OR6X1: variants seen among roughly 807,000 people sequenced by gnomAD.
The protein encoded by OR6X1 is olfactory receptor family 6 subfamily X member 1, also known as olfactory receptor 6X1.
For missense variants in OR6X1, 354 were observed against 372.2 expected (o/e 0.95, Z 0.40); for synonymous variants, 160 against 149.8 (o/e 1.07, Z -0.50).
rs748236917 is a variant in OR6X1, at chr11:123,754,054, A to G, written c.465T>C (p.Phe155=). Residue 155 remains phenylalanine (F), a synonymous_variant, in exon 1 of 1, where the codon TTT becomes TTC. Transcript: ENST00000327930. The part of the protein sequence containing the change: ...SSWVVGFTIV[F]CQTMLLIQLP... The stretch of plus-strand genomic sequence containing the variant: ...ACTGGATGAGCAGCATCGTCTGACA[A>G]AAGACAATGGTGAAGCCCACCACCC... The G allele has an allele frequency of 1.2e-6, 2 of 1,614,058 alleles. No homozygotes were observed. Among genetic ancestry groups the G allele is most frequent in the Non-Finnish European group, 1.7e-6 (2 of 1,180,040 alleles).
rs778166232 is a variant in OR6X1, at chr11:123,753,702, A to T, written c.817T>A (p.Ser273Thr). The T allele has an allele frequency of 3.7e-6, 6 of 1,613,942 alleles. No homozygotes were observed. In the African/African-American group the frequency reaches 8.0e-5, roughly 22 times the overall value. The change falls in exon 1 of 1, where the codon TCT becomes ACT. Residue 273 changes from serine (S) to threonine (T), a missense_variant. Physicochemically the swap from Ser to Thr is moderately conservative, Grantham distance 58 (BLOSUM62 1). Transcript: ENST00000327930. The part of the protein sequence containing the change: ...HSSFKINKVV[S>T]VLNTILTPLL... ...GGGGTGAGGATAGTATTTAGCACAG[A>T]CACCACCTTATTAATCTTAAAGGAG...
In OR6X1 at chr11:123,754,045, C is replaced by T. The variant is rs533040898; in HGVS notation, c.474G>A (p.Thr158=). 1.8e-5 allele frequency: 29 copies of T among 1,614,074 alleles called. No homozygotes were observed. The highest frequency in any genetic ancestry group is 1.7e-4 in the Middle Eastern group (1 of 6,060). Residue 158 remains threonine, a synonymous_variant, in exon 1 of 1, where the codon ACG becomes ACA. Coordinates refer to ENST00000327930, the MANE Select transcript of OR6X1 (RefSeq NM_001005188.1). ...VVGFTIVFCQ[T]MLLIQLPFCG... ...AGAATGGCAACTGGATGAGCAGCAT[C>T]GTCTGACAAAAGACAATGGTGAAGC...
chr11:123,753,720 T>A lies in OR6X1; in HGVS notation c.799A>T (p.Lys267Ter). Residue 267 changes from lysine (K) to a stop codon, truncating the protein, a stop_gained, in exon 1 of 1, where the codon AAG becomes TAG. Coordinates refer to ENST00000327930, the MANE Select transcript of OR6X1 (RefSeq NM_001005188.1). LOFTEE classifies it low-confidence loss of function (END_TRUNC). ...YLRPTAHSSF[K>*]INKVVSVLNT... is the part of the protein sequence containing the mutation. ...AGCACAGACACCACCTTATTAATCTTAAAGGAGGAGTGTGCTGTGGGTCTT... is the reference window on the plus strand; with the variant it reads ...AGCACAGACACCACCTTATTAATCTAAAAGGAGGAGTGTGCTGTGGGTCTT... 1 of 1,614,022 alleles carries A rather than the reference T, an allele frequency of 6.2e-7. No individual in the cohort carries two copies. Among genetic ancestry groups the A allele is most frequent in the South Asian group, 1.1e-5 (1 of 91,076 alleles).
In OR6X1 at chr11:123,753,959, CA is replaced by C. The variant is rs1862022034; in HGVS notation, c.559del (p.Cys187AlafsTer2). 9.9e-6 allele frequency: 16 copies of C among 1,614,168 alleles called. No homozygotes were observed. The highest frequency in any genetic ancestry group is 1.4e-5 in the Non-Finnish European group (16 of 1,180,028). ...CDVGPSLKAA[C>X]IDTSILELLG... is the part of the protein sequence containing the mutation. ...GAGTTCCAAAATGCTGGTGTCTATG[CA>C]GGCGGCTTTCAAACTGGGCCCAACA... is the stretch of plus-strand genomic sequence containing the variant. On this transcript the variant is annotated frameshift_variant, in exon 1 of 1. Transcript: ENST00000327930. LOFTEE classifies it low-confidence loss of function (END_TRUNC).
Position 123,753,778 on chromosome 11 carries a change from GGA to G in OR6X1, c.739_740del (p.Ser247ProfsTer20). On this transcript the variant is annotated frameshift_variant, in exon 1 of 1. Coordinates refer to ENST00000327930, the MANE Select transcript of OR6X1 (RefSeq NM_001005188.1). LOFTEE classifies it low-confidence loss of function (END_TRUNC). ...TGAACAGAACAGCCCCGTAGAGCAG[GGA>G]GACAACTGTCAGGTGCGAGGCACAG... is the stretch of plus-strand genomic sequence containing the variant. Reference protein sequence around the residue: ...STCASHLTVVSLLYGAVLFMY... With the variant: ...STCASHLTVVXLLYGAVLFMY... The G allele has an allele frequency of 1.2e-6, 2 of 1,614,120 alleles. No homozygotes were observed. Among genetic ancestry groups the G allele is most frequent in the Non-Finnish European group, 1.7e-6 (2 of 1,180,012 alleles).
chr11:123,754,130 T>C lies in OR6X1; in HGVS notation c.389A>G (p.His130Arg). The change falls in exon 1 of 1, where the codon CAC (histidine) becomes CGC (arginine). Residue 130 changes from histidine (H) to arginine (R), a missense_variant. By Grantham distance (29) the His-to-Arg change is conservative (BLOSUM62 0). Transcript: ENST00000327930. Reference sequence around the variant, plus strand: ...GAGTTTGCTGGTCATGATGGTGGGGTGGTGAAGGGGATTGCAGATGGTGAG... The same window carrying C: ...GAGTTTGCTGGTCATGATGGTGGGGCGGTGAAGGGGATTGCAGATGGTGAG... Reference protein sequence around the residue: ...RYLTICNPLHHPTIMTSKLCL... With the variant: ...RYLTICNPLHRPTIMTSKLCL... 1 of 1,613,022 alleles carries C rather than the reference T, an allele frequency of 6.2e-7. No individual in the cohort carries two copies. The highest frequency in any genetic ancestry group is 8.5e-7 in the Non-Finnish European group (1 of 1,179,770).
In OR6X1 at chr11:123,754,305, T is replaced by G. The variant is rs377289525; in HGVS notation, c.214A>C (p.Thr72Pro). 17 of 1,614,002 alleles carry G rather than the reference T, an allele frequency of 1.1e-5. No homozygotes were observed. The highest frequency in any genetic ancestry group is 1.4e-5 in the Non-Finnish European group (17 of 1,179,888). The part of the protein sequence containing the change: ...CNLSFLEIWY[T>P]TTVIPKLLGT... ...AGCAGTTTGGGGATGACTGTGGTGG[T>G]GTACCAGATTTCTAAGAAAGACAAG... Residue 72 changes from threonine (T) to proline (P), a missense_variant, in exon 1 of 1, where the codon ACC becomes CCC. By Grantham distance (38) the Thr-to-Pro change is conservative (BLOSUM62 -1). Transcript: ENST00000327930.
rs148604482 is a variant in OR6X1, at chr11:123,753,752, A to C, written c.767T>G (p.Met256Arg). 4 of 1,614,176 alleles carry C rather than the reference A, an allele frequency of 2.5e-6. No individual in the cohort carries two copies. Among genetic ancestry groups the C allele is most frequent in the Non-Finnish European group, 3.4e-6 (4 of 1,180,020 alleles). Residue 256 changes from methionine to arginine, a missense_variant, in exon 1 of 1, where the codon ATG becomes AGG. Physicochemically the swap from Met to Arg is moderately conservative, Grantham distance 91. Transcript: ENST00000327930. ...VSLLYGAVLF[M>R]YLRPTAHSSF... ...GGAGTGTGCTGTGGGTCTTAGGTAC[A>C]TGAACAGAACAGCCCCGTAGAGCAG...
rs1391682555 is a variant in OR6X1, at chr11:123,754,122, T to C, written c.397A>G (p.Ile133Val). ...TICNPLHHPTIMTSKLCLQLA... is the reference protein window; with the variant it reads ...TICNPLHHPTVMTSKLCLQLA... Reference sequence around the variant, plus strand: ...TGCAGGCAGAGTTTGCTGGTCATGATGGTGGGGTGGTGAAGGGGATTGCAG... The same window carrying C: ...TGCAGGCAGAGTTTGCTGGTCATGACGGTGGGGTGGTGAAGGGGATTGCAG... The change falls in exon 1 of 1, where the codon ATC becomes GTC. Residue 133 changes from isoleucine (I) to valine (V), a missense_variant. Coordinates refer to ENST00000327930, the MANE Select transcript of OR6X1 (RefSeq NM_001005188.1). The C allele has an allele frequency of 4.3e-6, 7 of 1,613,670 alleles. No individual in the cohort carries two copies. The highest frequency in any genetic ancestry group is 5.9e-6 in the Non-Finnish European group (7 of 1,179,972).
Position 123,754,062 on chromosome 11 carries a change from T to G in OR6X1, c.457A>C (p.Ile153Leu), listed in dbSNP as rs1472047291. Reference protein sequence around the residue: ...ALSSWVVGFTIVFCQTMLLIQ... With the variant: ...ALSSWVVGFTLVFCQTMLLIQ... ...AGCAGCATCGTCTGACAAAAGACAA[T>G]GGTGAAGCCCACCACCCAGGAGCTC... is the stretch of plus-strand genomic sequence containing the variant. The change falls in exon 1 of 1, where the codon ATT (isoleucine) becomes CTT (leucine). Residue 153 changes from isoleucine to leucine, a missense_variant. By Grantham distance (5) the Ile-to-Leu change is conservative. Coordinates refer to ENST00000327930, the MANE Select transcript of OR6X1 (RefSeq NM_001005188.1). 1.2e-6 allele frequency: 2 copies of G among 1,613,814 alleles called. No homozygotes were observed. Among genetic ancestry groups the G allele is most frequent in the Admixed American group, 1.7e-5 (1 of 59,966 alleles).
chr11:123,754,246 G>C lies in OR6X1; in HGVS notation c.273C>G (p.Cys91Trp), dbSNP rs774935100. ...AGGCCTGCAGCAGGCAGCAGGACATGCAGATTACTGTTCTTGCCACTACAA... is the reference window on the plus strand; with the variant it reads ...AGGCCTGCAGCAGGCAGCAGGACATCCAGATTACTGTTCTTGCCACTACAA... Reference protein sequence around the residue: ...GTFVVARTVICMSCCLLQAFF... With the variant: ...GTFVVARTVIWMSCCLLQAFF... Residue 91 changes from cysteine to tryptophan, a missense_variant, in exon 1 of 1, where the codon TGC becomes TGG. Coordinates refer to ENST00000327930, the MANE Select transcript of OR6X1 (RefSeq NM_001005188.1). 5 of 1,614,212 alleles carry C rather than the reference G, an allele frequency of 3.1e-6. No individual in the cohort carries two copies. In the Admixed American group the frequency reaches 8.3e-5, roughly 27 times the overall value.
In OR6X1 at chr11:123,753,740, G is replaced by A. The variant is rs775411331; in HGVS notation, c.779C>T (p.Pro260Leu). 3 of 1,614,096 alleles carry A rather than the reference G, an allele frequency of 1.9e-6. No individual in the cohort carries two copies. The highest frequency in any genetic ancestry group is 3.3e-5 in the Admixed American group (2 of 60,006). The part of the protein sequence containing the change: ...YGAVLFMYLR[P>L]TAHSSFKINK... The stretch of plus-strand genomic sequence containing the variant: ...AATCTTAAAGGAGGAGTGTGCTGTG[G>A]GTCTTAGGTACATGAACAGAACAGC... Residue 260 changes from proline (P) to leucine (L), a missense_variant, in exon 1 of 1, where the codon CCC (proline) becomes CTC (leucine). Physicochemically the swap from Pro to Leu is moderately conservative, Grantham distance 98. Coordinates refer to ENST00000327930, the MANE Select transcript of OR6X1 (RefSeq NM_001005188.1).
rs559970512 is a variant in OR6X1 at position 123,754,396 on chromosome 11, C to G, written c.123G>C (p.Gly41=). 1.4e-5 allele frequency: 23 copies of G among 1,613,902 alleles called. No individual in the cohort carries two copies. In the South Asian group the frequency reaches 2.5e-4, roughly 18 times the overall value. The change falls in exon 1 of 1, where the codon GGG becomes GGC. Residue 41 remains glycine (G), a synonymous_variant. Coordinates refer to ENST00000327930, the MANE Select transcript of OR6X1 (RefSeq NM_001005188.1). ...CAGCCCACACAGTGGCAATAATAAG[C>G]CCATTGCCTGCAAGGGTTAATATGT... is the stretch of plus-strand genomic sequence containing the variant. ...LTYILTLAGN[G]LIIATVWAEP... is the part of the protein sequence containing the mutation.
rs535569258 is a variant in OR6X1, at chr11:123,754,160, C to T, written c.359G>A (p.Arg120His). ...FLILTIMSFD[R>H]YLTICNPLHH... ...AAGGGGATTGCAGATGGTGAGGTAG[C>T]GGTCAAAAGACATGATAGTGAGGAT... The change falls in exon 1 of 1, where the codon CGC becomes CAC. Residue 120 changes from arginine (R) to histidine (H), a missense_variant. By Grantham distance (29) the Arg-to-His change is conservative. Coordinates refer to ENST00000327930, the MANE Select transcript of OR6X1 (RefSeq NM_001005188.1). 50 of 1,613,918 alleles carry T rather than the reference C, an allele frequency of 3.1e-5. No individual in the cohort carries two copies. In the Admixed American group the frequency reaches 3.5e-4, roughly 11 times the overall value.
Position 123,754,478 on chromosome 11 carries a change from C to A in OR6X1, c.41G>T (p.Gly14Val). The A allele has an allele frequency of 1.2e-6, 2 of 1,611,644 alleles. No individual in the cohort carries two copies. Among genetic ancestry groups the A allele is most frequent in the Middle Eastern group, 1.7e-4 (1 of 6,044 alleles). ...GTVITEFILLGFPVIQGLQTP... is the reference protein window; with the variant it reads ...GTVITEFILLVFPVIQGLQTP... ...TTGTAGGCCTTGGATAACAGGAAAG[C>A]CTAGCAGGATGAATTCTGTGATTAC... The change falls in exon 1 of 1, where the codon GGC becomes GTC. Residue 14 changes from glycine (G) to valine (V), a missense_variant. Physicochemically the swap from Gly to Val is moderately radical, Grantham distance 109 (BLOSUM62 -3). Coordinates refer to ENST00000327930, the MANE Select transcript of OR6X1 (RefSeq NM_001005188.1).
At position 123,754,244 on chromosome 11, in the gene OR6X1, A is replaced by G. The variant is rs575594617; in HGVS notation, c.275T>C (p.Met92Thr). The stretch of plus-strand genomic sequence containing the variant: ...GAAGGCCTGCAGCAGGCAGCAGGAC[A>G]TGCAGATTACTGTTCTTGCCACTAC... ...TFVVARTVICMSCCLLQAFFH... is the reference protein window; with the variant it reads ...TFVVARTVICTSCCLLQAFFH... The change falls in exon 1 of 1, where the codon ATG becomes ACG. Residue 92 changes from methionine (M) to threonine (T), a missense_variant. Transcript: ENST00000327930. 2.9e-5 allele frequency: 47 copies of G among 1,614,206 alleles called. No homozygotes were observed. The South Asian group carries it at 3.7e-4, about 13-fold the overall frequency.
Position 123,754,036 on chromosome 11 carries a change from G to A in OR6X1, c.483C>T (p.Leu161=). Residue 161 remains leucine, a synonymous_variant, in exon 1 of 1, where the codon CTC becomes CTT. Transcript: ENST00000327930. ...TATTGCCACAGAATGGCAACTGGAT[G>A]AGCAGCATCGTCTGACAAAAGACAA... is the stretch of plus-strand genomic sequence containing the variant. ...FTIVFCQTML[L]IQLPFCGNNV... 1.2e-6 allele frequency: 2 copies of A among 1,614,126 alleles called. No individual in the cohort carries two copies. Among genetic ancestry groups the A allele is most frequent in the Non-Finnish European group, 8.5e-7 (1 of 1,180,032 alleles).
chr11:123,754,270 A>C lies in OR6X1; in HGVS notation c.249T>G (p.Phe83Leu). Reference sequence around the variant, plus strand: ...TGCAGATTACTGTTCTTGCCACTACAAAGGTTCCTAGCAGTTTGGGGATGA... The same window carrying C: ...TGCAGATTACTGTTCTTGCCACTACCAAGGTTCCTAGCAGTTTGGGGATGA... The part of the protein sequence containing the change: ...TTVIPKLLGT[F>L]VVARTVICMS... Residue 83 changes from phenylalanine (F) to leucine (L), a missense_variant, in exon 1 of 1, where the codon TTT becomes TTG. By Grantham distance (22) the Phe-to-Leu change is conservative. Transcript: ENST00000327930. 6.2e-7 allele frequency: 1 copy of C among 1,614,190 alleles called. No individual in the cohort carries two copies.
In OR6X1 at chr11:123,754,436, G is replaced by A. The variant is rs1441687890; in HGVS notation, c.83C>T (p.Ala28Val). ...IQGLQTPLFI[A>V]IFLTYILTLA... is the part of the protein sequence containing the mutation. Reference sequence around the variant, plus strand: ...GGTTAATATGTAGGTGAGAAAGATTGCAATAAAGAGAGGTGTTTGTAGGCC... The same window carrying A: ...GGTTAATATGTAGGTGAGAAAGATTACAATAAAGAGAGGTGTTTGTAGGCC... Residue 28 changes from alanine to valine, a missense_variant, in exon 1 of 1, where the codon GCA (alanine) becomes GTA (valine). Ala to Val is a moderately conservative substitution (Grantham distance 64, BLOSUM62 0). Coordinates refer to ENST00000327930, the MANE Select transcript of OR6X1 (RefSeq NM_001005188.1). 6.2e-7 allele frequency: 1 copy of A among 1,614,092 alleles called. No individual in the cohort carries two copies. Among genetic ancestry groups the A allele is most frequent in the East Asian group, 2.2e-5 (1 of 44,882 alleles).
Sources: gnomAD v4.1 joint callset for allele counts on GRCh38, gnomAD v4.1.1 for gene constraint, MANE v1.5 for transcripts, NCBI Gene and HGNC (gene_info 2026-07-23, HGNC 2026-07-21) for gene names.